FBLN5: variants seen among roughly 807,000 people sequenced by gnomAD.
FBLN5 encodes fibulin 5.
A neutral mutation model predicts 61.6 loss-of-function variants in FBLN5; 24 were observed. The ratio of observed to expected loss-of-function variants is 0.39; its 90% confidence interval spans 0.28 to 0.55. The LOEUF (loss-of-function observed/expected upper bound fraction) is 0.55, where lower values mean the gene tolerates loss of function less well. Ranked by LOEUF, FBLN5 falls within the 20% of genes least tolerant of loss-of-function variation. The pLI, the probability that FBLN5 is intolerant of heterozygous loss-of-function variation, is 0.65. For synonymous variants in FBLN5, 213 were observed against 219.8 expected, an observed-to-expected ratio of 0.97 and a Z score of 0.27; for missense variants, 470 against 594.1, an observed-to-expected ratio of 0.79 and a Z score of 2.17.
At chr14:91,902,078 T>C (rs915013203) in intron 4 of FBLN5, among the ~76,000 whole-genome samples, 2 of 152,200 alleles carry the variant, frequency 1.3e-5, no homozygotes, top group Non-Finnish European at 2.9e-5. Flanking sequence ...GAGCACTTGG[T>C]AAACATCAGC....
intron 4 of FBLN5, among the ~76,000 whole-genome samples, chr14:91,903,077 T>C (rs116117897): frequency 0.012 from 1,807 of 152,222 alleles, 38 homozygotes; most frequent in African/African-American, 0.041. Flanking sequence ...GTATCTCAAA[T>C]AAAAGTTGAA....
chr14:91,881,033 A>T, intron 9 of FBLN5, among the ~76,000 whole-genome samples: 1 of 152,188 alleles, frequency 6.6e-6, no homozygotes, highest in Non-Finnish European at 1.5e-5. Flanking sequence ...GATAAGTTTC[A>T]AAAAACAATA....
chr14:91,891,120 C>G (rs1566806395), intron 6 of FBLN5, 101 bp downstream of exon 6: 1 of 785,652 alleles, frequency 1.3e-6, no homozygotes, highest in East Asian at 2.4e-5. Flanking sequence ...TGGGAATATA[C>G]TGTAGCAGCA....
At chr14:91,906,386 G>A (rs960056791) in intron 4 of FBLN5, among the ~76,000 whole-genome samples, 1 of 152,138 alleles carries the variant, frequency 6.6e-6, no homozygotes, top group Non-Finnish European at 1.5e-5. Flanking sequence ...AAGCCTGCTG[G>A]GACCATAGAG....
intron 4 of FBLN5, among the ~76,000 whole-genome samples, chr14:91,904,664 G>C (rs766998950): frequency 6.6e-6 from 1 of 152,238 alleles, no homozygotes; most frequent in Non-Finnish European, 1.5e-5. Flanking sequence ...ACAGGGCGGA[G>C]AGAAAGCTCA....
intron 4 of FBLN5, among the ~76,000 whole-genome samples, chr14:91,908,035 G>T (rs540167935): frequency 1.3e-5 from 2 of 152,256 alleles, no homozygotes; most frequent in Non-Finnish European, 2.9e-5. Flanking sequence ...AAAGGGTTGC[G>T]TCAAGAGTCT....
chr14:91,874,251 G>A (rs773887708), intron 10 of FBLN5: 1 of 152,290 alleles, frequency 6.6e-6, no homozygotes. Context: ...CAGTCCCCTG[G>A]GTAGCATTCC....
chr14:91,906,323 G>A (rs1890685977), intron 4 of FBLN5, among the ~76,000 whole-genome samples: 1 of 152,156 alleles, frequency 6.6e-6, no homozygotes, highest in South Asian at 2.1e-4. Context: ...AAATAGTGTG[G>A]AGGCTACGAC....
At chr14:91,881,214 T>C (rs946406949) in intron 9 of FBLN5, 78 bp downstream of exon 9, 2 of 1,568,076 alleles carry the variant, frequency 1.3e-6, no homozygotes, top group Admixed American at 3.4e-5. Context: ...TGGTGCACTC[T>C]CTTTCACACC....
intron 1 of FBLN5, among the ~76,000 whole-genome samples, chr14:91,944,314 G>A (rs530355197): frequency 8.5e-5 from 13 of 152,332 alleles, no homozygotes; most frequent in Admixed American, 3.9e-4. Context: ...AAGAGCAAGC[G>A]TTAGGGAGGA....
intron 3 of FBLN5, among the ~76,000 whole-genome samples, chr14:91,939,157 G>A (rs1247994765): frequency 1.4e-4 from 22 of 151,980 alleles, no homozygotes; most frequent in Admixed American, 1.4e-3. Flanking sequence ...CTAAGATGGG[G>A]GCAAGTAGGG....
At chr14:91,904,272 G>A (rs1453114960) in intron 4 of FBLN5, among the ~76,000 whole-genome samples, 3 of 152,170 alleles carry the variant, frequency 2.0e-5, no homozygotes, top group South Asian at 4.1e-4. Context: ...GAAAGCAAGA[G>A]GGAAATTCAG....
chr14:91,877,687 G>A lies in FBLN5; in HGVS notation c.990-5C>T, dbSNP rs750948248. ...TCAGCAGGACACATACAGCGGCTGTGGAAAGGGAAATCACGTGAGAACTCA... is the reference window on the plus strand; with the variant it reads ...TCAGCAGGACACATACAGCGGCTGTAGAAAGGGAAATCACGTGAGAACTCA... On this transcript the variant is annotated splice_polypyrimidine_tract_variant and splice_region_variant and intron_variant, in intron 9 of 10. Transcript: ENST00000342058. 6.2e-7 allele frequency: 1 copy of A among 1,612,924 alleles called. No homozygotes were observed. The highest frequency in any genetic ancestry group is 8.5e-7 in the Non-Finnish European group (1 of 1,178,970).
chr14:91,894,402 CA>C (rs58035118), intron 5 of FBLN5, among the ~76,000 whole-genome samples: 84 of 34,410 alleles, frequency 2.4e-3, no homozygotes, highest in African/African-American at 8.1e-3. Context: ...GACACCATAT[CA>C]AAAAAAAAAA....
In FBLN5 at chr14:91,869,994, GATA is replaced by G; in HGVS notation, c.*227_*229del. ...AACAATCTTCTATCAGGGGAGCAAT[GATA>G]ATACTTTTTGATAACTGTGTCATAG... is the stretch of plus-strand genomic sequence containing the variant. On this transcript the variant is annotated 3_prime_UTR_variant, in exon 11 of 11. Transcript: ENST00000342058. The G allele has an allele frequency of 1.8e-6, 1 of 566,106 alleles. No individual in the cohort carries two copies. The allele number at this position is 566,106 out of a possible 1,614,324, so 35.1% of individuals were successfully genotyped here.
At chr14:91,878,696 C>T (rs1889284887) in intron 9 of FBLN5, among the ~76,000 whole-genome samples, 1 of 152,224 alleles carries the variant, frequency 6.6e-6, no homozygotes, top group Non-Finnish European at 1.5e-5. Context: ...CTTCCACTCT[C>T]TATTTAGTTA....
intron 7 of FBLN5, among the ~76,000 whole-genome samples, chr14:91,884,003 G>A (rs1248477723): frequency 6.6e-6 from 1 of 152,258 alleles, no homozygotes; most frequent in Non-Finnish European, 1.5e-5. Flanking sequence ...TGTTGTTCTT[G>A]CATTTGTTGT....
chr14:91,933,109 C>G (rs77570945), intron 4 of FBLN5, among the ~76,000 whole-genome samples: 1 of 152,120 alleles, frequency 6.6e-6, no homozygotes, highest in African/African-American at 2.4e-5. Flanking sequence ...CATGCTACTC[C>G]GGGGACTGCA....
intron 4 of FBLN5, among the ~76,000 whole-genome samples, chr14:91,914,140 C>T (rs1201451180): frequency 6.6e-6 from 1 of 151,622 alleles, no homozygotes; most frequent in African/African-American, 2.4e-5. Flanking sequence ...CTCAAGAGTT[C>T]GAGACCAGCC....
Sources: allele counts gnomAD v4.1 joint callset (sites outside exome capture counted in the v4.1 genomes callset), GRCh38; gene constraint gnomAD v4.1.1; transcripts MANE v1.5; gene names NCBI Gene and HGNC (gene_info 2026-07-23, HGNC 2026-07-21).